TAS1R2: variants seen among roughly 807,000 people sequenced by gnomAD.
TAS1R2 encodes the protein taste 1 receptor member 2, also known as taste receptor type 1 member 2.
TAS1R2 carries 47 observed loss-of-function variants against 49.3 expected under a neutral mutation model. The ratio of observed to expected loss-of-function variants is 0.95; its 90% confidence interval spans 0.75 to 1.22. The LOEUF (loss-of-function observed/expected upper bound fraction) is 1.22. Ranked by LOEUF, TAS1R2 falls within the 50% of genes most tolerant of loss-of-function variation. The pLI, the probability that TAS1R2 is intolerant of heterozygous loss-of-function variation, is 0.00. For synonymous variants in TAS1R2, 479 were observed against 467.9 expected (o/e 1.02, Z -0.31); for missense variants, 1,155 against 1,122.1 (o/e 1.03, Z -0.42).
chr1:18,847,420 A>G (rs1314879580), intron 4 of TAS1R2, among the ~76,000 whole-genome samples: 1 of 152,104 alleles, frequency 6.6e-6, no homozygotes, highest in African/African-American at 2.4e-5. Flanking sequence ...CTAGGAAACT[A>G]ACACAGACAC....
At chr1:18,841,829 C>T in exon 5 of TAS1R2, 2 of 1,612,286 alleles carry the variant, frequency 1.2e-6, no homozygotes, top group Non-Finnish European at 1.7e-6. Flanking sequence ...ACTGGCACCT[C>T]TTGGAACACA....
chr1:18,843,979 A>T (rs1933872778), intron 4 of TAS1R2, among the ~76,000 whole-genome samples: 1 of 152,236 alleles, frequency 6.6e-6, no homozygotes, highest in African/African-American at 2.4e-5. Context: ...CTCTCCCTCA[A>T]ATCATACCTA....
exon 1 of TAS1R2, chr1:18,859,504 A>C: frequency 6.2e-7 from 1 of 1,614,158 alleles, no homozygotes. Flanking sequence ...ACCTGCAGGA[A>C]GTTAAGGTGA....
At chr1:18,852,025 C>T (rs1286733440) in intron 3 of TAS1R2, among the ~76,000 whole-genome samples, 3 of 152,224 alleles carry the variant, frequency 2.0e-5, no homozygotes, top group African/African-American at 7.2e-5. Flanking sequence ...AGTGCCCATT[C>T]ATTCATCCAA....
At chr1:18,850,485 A>G (rs1372721062) in intron 3 of TAS1R2, among the ~76,000 whole-genome samples, 1 of 152,262 alleles carries the variant, frequency 6.6e-6, no homozygotes, top group Non-Finnish European at 1.5e-5. Flanking sequence ...TGGAATGTGC[A>G]CAGGTTGCTA....
At chr1:18,842,682 A>G (rs1183772216) in intron 4 of TAS1R2, among the ~76,000 whole-genome samples, 2 of 152,166 alleles carry the variant, frequency 1.3e-5, no homozygotes, top group Non-Finnish European at 2.9e-5. Flanking sequence ...TAAAAACACA[A>G]CATAACCCCA....
At chr1:18,840,059 A>T (rs1439534399) in exon 6 of TAS1R2, 1 of 1,614,210 alleles carries the variant, frequency 6.2e-7, no homozygotes, top group South Asian at 1.1e-5. Flanking sequence ...CATTTTGAGT[A>T]CCGTGATAAA....
intron 4 of TAS1R2, among the ~76,000 whole-genome samples, chr1:18,842,830 T>C (rs894919797): frequency 2.0e-5 from 3 of 152,196 alleles, no homozygotes; most frequent in African/African-American, 7.2e-5. Context: ...GGAATAGAGT[T>C]AGAAATTTGC....
At chr1:18,840,187 G>A (rs1933793797) in exon 6 of TAS1R2, 3 of 1,614,252 alleles carry the variant, frequency 1.9e-6, no homozygotes, top group Non-Finnish European at 1.7e-6. Flanking sequence ...TACAGGAGAT[G>A]CAGATTGTGA....
chr1:18,845,685 G>A (rs1933907923), intron 4 of TAS1R2, among the ~76,000 whole-genome samples: 1 of 152,168 alleles, frequency 6.6e-6, no homozygotes. Context: ...CTACACAAGT[G>A]GAGTAGGAAG....
intron 4 of TAS1R2, among the ~76,000 whole-genome samples, chr1:18,848,674 C>A (rs990134134): frequency 6.6e-6 from 1 of 152,164 alleles, no homozygotes; most frequent in Non-Finnish European, 1.5e-5. Context: ...CCTGTCAGAT[C>A]AACATCCGCA....
intron 4 of TAS1R2, among the ~76,000 whole-genome samples, chr1:18,845,177 C>G (rs1028854251): frequency 6.6e-6 from 1 of 152,180 alleles, no homozygotes. Flanking sequence ...GATCAGGAGT[C>G]AACTTCATGG....
At chr1:18,846,103 C>T (rs1933916204) in intron 4 of TAS1R2, among the ~76,000 whole-genome samples, 1 of 152,180 alleles carries the variant, frequency 6.6e-6, no homozygotes, top group Admixed American at 6.5e-5. Context: ...CTGTTTATTC[C>T]AGCCATTGCT....
At chr1:18,847,296 C>T (rs891463545) in intron 4 of TAS1R2, among the ~76,000 whole-genome samples, 11 of 152,196 alleles carry the variant, frequency 7.2e-5, no homozygotes, top group Non-Finnish European at 1.3e-4. Flanking sequence ...CAGAAGGAGC[C>T]AACCCTGCTG....
At chr1:18,853,546 G>A (rs893427478) in intron 3 of TAS1R2, among the ~76,000 whole-genome samples, 15 of 152,150 alleles carry the variant, frequency 9.9e-5, no homozygotes, top group Non-Finnish European at 1.5e-4. Flanking sequence ...TCTAGCAAGG[G>A]GGCGAAAGGG....
chr1:18,855,830 G>T (rs149803341), intron 2 of TAS1R2, among the ~76,000 whole-genome samples: 1 of 152,100 alleles, frequency 6.6e-6, no homozygotes, highest in Non-Finnish European at 1.5e-5. Flanking sequence ...CTCTGGAGTC[G>T]TCCTTGACTC....
At chr1:18,847,514 G>A (rs1205424749) in intron 4 of TAS1R2, among the ~76,000 whole-genome samples, 2 of 151,086 alleles carry the variant, frequency 1.3e-5, no homozygotes, top group African/African-American at 4.9e-5. Context: ...ATAGAGTGCT[G>A]TCGGGGACTG....
intron 4 of TAS1R2, among the ~76,000 whole-genome samples, chr1:18,846,562 T>C (rs1160325325): frequency 1.3e-5 from 2 of 152,226 alleles, no homozygotes; most frequent in Non-Finnish European, 2.9e-5. Context: ...AACTATATCC[T>C]GCTTAAAGTC....
intron 1 of TAS1R2, among the ~76,000 whole-genome samples, chr1:18,859,020 T>TG (rs1254559811): frequency 6.6e-6 from 1 of 152,000 alleles, no homozygotes; most frequent in African/African-American, 2.4e-5. Context: ...AGGGAGGAGG[T>TG]GGGGGAAGAG....
Sources: allele counts gnomAD v4.1 joint callset (sites outside exome capture counted in the v4.1 genomes callset), GRCh38; gene constraint gnomAD v4.1.1; transcripts MANE v1.5; gene names NCBI Gene and HGNC (gene_info 2026-07-23, HGNC 2026-07-21).